SAMD5: variants seen among roughly 807,000 people sequenced by gnomAD.
The protein encoded by SAMD5 is sterile alpha motif domain-containing protein 5.
Under a neutral mutation model 11.3 loss-of-function variants are expected in SAMD5, and 13 were observed. The ratio of observed to expected loss-of-function variants is 1.15; its 90% CI spans 0.75 to 1.83. The LOEUF is 1.83. Among genes scored for constraint, SAMD5 ranks in the 40% most tolerant of loss-of-function variants. The probability of loss-of-function intolerance (pLI) is 0.00; values close to 1 mark genes in which losing one functional copy is unlikely to be tolerated. For missense variants in SAMD5, 255 were observed against 239.1 expected (o/e 1.07, Z -0.44); for synonymous variants, 129 against 111.3 (o/e 1.16, Z -1.00).
In SAMD5 at chr6:147,587,009, T is replaced by C. The variant is rs183399871; in HGVS notation, c.162+77622T>C. 1.1e-4 allele frequency among the ~76,000 whole-genome samples: 16 copies of C among 152,308 alleles called. No individual in the cohort carries two copies. In the East Asian group the frequency reaches 2.9e-3, roughly 28 times the overall value. On this transcript the variant is annotated intron_variant, in intron 1 of 1. Transcript: ENST00000566741. ...AATATCTGCTTGCTTGCAGAGTTGA[T>C]TGTACAGTGAATATCAACAAAATGA...
At chr6:147,765,565 G>A in the SAMD5 span, among the ~76,000 whole-genome samples, 1 of 152,206 alleles carries the variant, frequency 6.6e-6, no homozygotes, top group South Asian at 2.1e-4. Flanking sequence ...ACTGAAGCAA[G>A]GAAGCAGATG....
At chr6:147,884,145 A>G in the SAMD5 span, among the ~76,000 whole-genome samples, 1 of 152,064 alleles carries the variant, frequency 6.6e-6, no homozygotes, top group Non-Finnish European at 1.5e-5. Flanking sequence ...GTTTCTCCTT[A>G]CAATAGAGAG....
intron 1 of SAMD5, chr6:147,729,873 T>G: frequency 4.4e-6 from 2 of 454,358 alleles, no homozygotes; most frequent in Non-Finnish European, 8.8e-6. Flanking sequence ...TCACCTGAGG[T>G]CAGGAGTTCA....
At chr6:147,917,956 T>A in the SAMD5 span, among the ~76,000 whole-genome samples, 1 of 152,240 alleles carries the variant, frequency 6.6e-6, no homozygotes, top group Non-Finnish European at 1.5e-5. Flanking sequence ...TTTTGGTTAC[T>A]GTAGCCTTGT....
At chr6:147,873,821 C>T in the SAMD5 span, among the ~76,000 whole-genome samples, 4 of 152,122 alleles carry the variant, frequency 2.6e-5, no homozygotes, top group East Asian at 3.8e-4. Context: ...GAGCTAGCTA[C>T]AGTGGTTTCC....
At chr6:147,724,371 C>T (rs75458173) in intron 1 of SAMD5, among the ~76,000 whole-genome samples, 1 of 152,058 alleles carries the variant, frequency 6.6e-6, no homozygotes, top group African/African-American at 2.4e-5. Flanking sequence ...AAATTTTAAG[C>T]TTTATCCAAT....
chr6:147,777,411 T>C, the SAMD5 span, among the ~76,000 whole-genome samples: 1 of 152,192 alleles, frequency 6.6e-6, no homozygotes, highest in Non-Finnish European at 1.5e-5. Context: ...ATCTGATTAT[T>C]TCCTTCCACG....
intron 1 of SAMD5, among the ~76,000 whole-genome samples, chr6:147,724,747 A>C (rs1791602178): frequency 6.6e-6 from 1 of 152,138 alleles, no homozygotes; most frequent in African/African-American, 2.4e-5. Context: ...GTTGAAAAAA[A>C]ATCAATTTTC....
the SAMD5 span, among the ~76,000 whole-genome samples, chr6:147,950,734 C>T: frequency 4.1e-4 from 62 of 152,150 alleles, 3 homozygotes; most frequent in South Asian, 0.012. Flanking sequence ...CCACATTCTT[C>T]CAGGCACTCT....
intron 1 of SAMD5, among the ~76,000 whole-genome samples, chr6:147,633,870 T>C (rs915768948): frequency 2.0e-5 from 3 of 152,128 alleles, no homozygotes; most frequent in African/African-American, 7.2e-5. Context: ...AAGTATGTAC[T>C]TTAATGGTTT....
At chr6:147,765,796 G>A in the SAMD5 span, among the ~76,000 whole-genome samples, 1 of 152,146 alleles carries the variant, frequency 6.6e-6, no homozygotes, top group African/African-American at 2.4e-5. Context: ...GAGGATACTG[G>A]AACTCTTATC....
At chr6:147,616,103 G>T (rs1789863638) in intron 1 of SAMD5, among the ~76,000 whole-genome samples, 1 of 123,406 alleles carries the variant, frequency 8.1e-6, no homozygotes. Context: ...AGGACTGAGT[G>T]ATAGGACAAG....
At chr6:147,932,290 G>T in the SAMD5 span, among the ~76,000 whole-genome samples, 5 of 152,108 alleles carry the variant, frequency 3.3e-5, no homozygotes, top group Non-Finnish European at 2.9e-5. Flanking sequence ...AGGGTATCCT[G>T]AGAGGGAAAG....
chr6:147,952,523 T>G, the SAMD5 span, among the ~76,000 whole-genome samples: 1 of 152,198 alleles, frequency 6.6e-6, no homozygotes, highest in Admixed American at 6.5e-5. Context: ...TTTGTTTGTT[T>G]GTTTCGAGAC....
In SAMD5 at chr6:147,509,331, A is replaced by T; in HGVS notation, c.403A>T (p.Arg135Trp). Reference protein sequence around the residue: ...YPKLKLKIMIRDKLVRDGIHL... With the variant: ...YPKLKLKIMIWDKLVRDGIHL... ...CAAACTGAAGCTGAAGATCATGATCAGGGATAAGCTCGTCCGTGACGGCAT... is the reference window on the plus strand; with the variant it reads ...CAAACTGAAGCTGAAGATCATGATCTGGGATAAGCTCGTCCGTGACGGCAT... The change falls in exon 1 of 2, where the codon AGG becomes TGG. Residue 135 changes from arginine to tryptophan, a missense_variant. By Grantham distance (101) the Arg-to-Trp change is moderately radical. Coordinates refer to ENST00000367474, the MANE Select transcript of SAMD5 (RefSeq NM_001030060.3). 1 of 1,581,830 alleles carries T rather than the reference A, an allele frequency of 6.3e-7. No individual in the cohort carries two copies. Among genetic ancestry groups the T allele is most frequent in the South Asian group, 1.2e-5 (1 of 86,626 alleles).
chr6:147,606,978 A>AAAAAAAAAAAAAAAC (rs397708065), intron 1 of SAMD5, among the ~76,000 whole-genome samples: 1 of 148,154 alleles, frequency 6.7e-6, no homozygotes, highest in African/African-American at 2.6e-5. Flanking sequence ...AAAAAAAAAA[A>AAAAAAAAAAAAAAAC]CAGAAAGAGA....
intron 1 of SAMD5, among the ~76,000 whole-genome samples, chr6:147,595,851 G>T (rs542572304): frequency 6.6e-6 from 1 of 151,836 alleles, no homozygotes; most frequent in Non-Finnish European, 1.5e-5. Context: ...TAATTAGTAG[G>T]CAAGCCATCC....
At chr6:147,775,190 G>GTGTA in the SAMD5 span, among the ~76,000 whole-genome samples, 2 of 152,100 alleles carry the variant, frequency 1.3e-5, no homozygotes, top group African/African-American at 4.8e-5. Context: ...GAGGCCTGGT[G>GTGTA]TGTAGATCAC....
chr6:147,858,879 A>C, the SAMD5 span, among the ~76,000 whole-genome samples: 30 of 152,238 alleles, frequency 2.0e-4, no homozygotes, highest in African/African-American at 6.3e-4. Flanking sequence ...CTTTGGGAAT[A>C]CAGCCGTGAA....
Sources: allele counts gnomAD v4.1 joint callset (sites outside exome capture counted in the v4.1 genomes callset), GRCh38; gene constraint gnomAD v4.1.1; transcripts MANE v1.5; gene names NCBI Gene and HGNC (gene_info 2026-07-23, HGNC 2026-07-21).